KCTD14: variants seen among roughly 807,000 people sequenced by gnomAD.
KCTD14 encodes potassium channel tetramerization domain containing 14.
A neutral mutation model predicts 5.9 loss-of-function variants in KCTD14; 7 were observed. The ratio of observed to expected loss-of-function variants is 1.19; its 90% CI spans 0.68 to 2.23. The LOEUF is 2.23. Among genes scored for constraint, KCTD14 ranks in the 30% most tolerant of loss-of-function variants. KCTD14 has a pLI of 0.00. For missense variants in KCTD14, 342 were observed against 332.2 expected (o/e 1.03, Z -0.23); for synonymous variants, 140 against 133.1 (o/e 1.05, Z -0.36).
At chr11:78,017,539 G>A (rs1857202225) in intron 1 of KCTD14, among the ~76,000 whole-genome samples, 1 of 150,048 alleles carries the variant, frequency 6.7e-6, no homozygotes, top group South Asian at 2.1e-4. Context: ...CTTCCACCTC[G>A]ATTAAAGCAA....
rs962449974 is a variant in KCTD14, at chr11:78,038,755, C to A, written c.-92G>T. 100 of 1,535,558 alleles carry A rather than the reference C, an allele frequency of 6.5e-5. No individual in the cohort carries two copies. The highest frequency in any genetic ancestry group is 8.5e-5 in the Non-Finnish European group (97 of 1,146,904). The stretch of plus-strand genomic sequence containing the variant: ...GGACAAGCAACAGAGGCCAATGTCA[C>A]CCCCTGAAACAGAAAGAGAATTTCT... On this transcript the variant is annotated 5_prime_UTR_variant, in exon 2 of 3. Coordinates refer to the KCTD14 transcript ENST00000533144.
intron 1 of KCTD14, among the ~76,000 whole-genome samples, chr11:78,039,788 G>A (rs1220342780): frequency 1.3e-5 from 2 of 151,190 alleles, no homozygotes; most frequent in African/African-American, 2.4e-5. Flanking sequence ...ACCTGGTATC[G>A]TGACGATTTC....
chr11:78,042,311 C>T (rs1223602660), intron 1 of KCTD14, among the ~76,000 whole-genome samples: 2 of 152,202 alleles, frequency 1.3e-5, no homozygotes, highest in Non-Finnish European at 2.9e-5. Context: ...AATTCCAGAT[C>T]AGCCTTGTCA....
At chr11:78,030,240 C>A (rs1565314084) in intron 2 of KCTD14, among the ~76,000 whole-genome samples, 1 of 152,156 alleles carries the variant, frequency 6.6e-6, no homozygotes, top group Admixed American at 6.6e-5. Context: ...TTTCCAGTGA[C>A]ATTAGCACAT....
chr11:78,029,070 AGCTACTGGTGAG>A (rs1857545930), intron 2 of KCTD14, among the ~76,000 whole-genome samples: 1 of 151,748 alleles, frequency 6.6e-6, no homozygotes, highest in African/African-American at 2.4e-5. Context: ...CTGTAATCCT[AGCTACTGGTGAG>A]GCTTAGGCAT....
intron 1 of KCTD14, among the ~76,000 whole-genome samples, chr11:78,040,380 T>C (rs1373955173): frequency 6.6e-6 from 1 of 152,114 alleles, no homozygotes; most frequent in Non-Finnish European, 1.5e-5. Flanking sequence ...CTGTTTCCTC[T>C]TTCTCCCTCC....
intron 2 of KCTD14, among the ~76,000 whole-genome samples, chr11:78,036,953 A>C (rs1244669546): frequency 1.3e-5 from 2 of 152,188 alleles, no homozygotes; most frequent in East Asian, 3.9e-4. Context: ...TTGTCTTAGG[A>C]AGTACATGCT....
At chr11:78,020,996 A>G (rs569515129) in intron 1 of KCTD14, among the ~76,000 whole-genome samples, 1 of 152,300 alleles carries the variant, frequency 6.6e-6, no homozygotes, top group South Asian at 2.1e-4. Context: ...TTCTGAAGCT[A>G]ATTTCCAGAT....
At chr11:78,043,125 A>G (rs1404143180) in intron 1 of KCTD14, among the ~76,000 whole-genome samples, 2 of 152,212 alleles carry the variant, frequency 1.3e-5, no homozygotes, top group Admixed American at 6.5e-5. Flanking sequence ...CTGGGATTAC[A>G]GGAGTGAGCC....
chr11:78,033,559 G>A (rs919999582), intron 2 of KCTD14, among the ~76,000 whole-genome samples: 9 of 152,000 alleles, frequency 5.9e-5, no homozygotes, highest in Non-Finnish European at 1.3e-4. Context: ...GCAGGCACCT[G>A]TAGTCCCAGC....
In KCTD14 at chr11:78,016,272, T is replaced by A; in HGVS notation, c.*321A>T. On this transcript the variant is annotated 3_prime_UTR_variant, in exon 2 of 2. Transcript: ENST00000353172. Reference sequence around the variant, plus strand: ...ATCTAGATTCACAGTATCTTGTATGTTCCTGTTGTCATCTCACATCTCTTG... The same window carrying A: ...ATCTAGATTCACAGTATCTTGTATGATCCTGTTGTCATCTCACATCTCTTG... 2.7e-6 allele frequency: 1 copy of A among 371,742 alleles called. No homozygotes were observed. Among genetic ancestry groups the A allele is most frequent in the African/African-American group, 2.1e-5 (1 of 48,562 alleles). 23.0% of individuals were successfully genotyped at this position (371,742 alleles called of 1,614,324 possible).
At chr11:78,033,901 G>GTGTATATATATATATA in intron 2 of KCTD14, among the ~76,000 whole-genome samples, 2 of 115,604 alleles carry the variant, frequency 1.7e-5, no homozygotes, top group Admixed American at 9.7e-5. Context: ...GTGTGTGTGT[G>GTGTATATATATATATA]TATATATATA....
Position 78,016,579 on chromosome 11 carries a change from T to C in KCTD14, c.*14A>G. On this transcript the variant is annotated 3_prime_UTR_variant, in exon 2 of 2. Transcript: ENST00000353172. ...AGCCACGCCAGAATTCATAACAGTC[T>C]CTGCTCCTGAGGATCACCACCAGGT... 1 of 1,602,624 alleles carries C rather than the reference T, an allele frequency of 6.2e-7. No individual in the cohort carries two copies. Among genetic ancestry groups the C allele is most frequent in the Non-Finnish European group, 8.5e-7 (1 of 1,171,626 alleles).
At chr11:78,024,409 T>C (rs1349101662), upstream of KCTD14, among the ~76,000 whole-genome samples, 5 of 124,180 alleles carry the variant, frequency 4.0e-5, no homozygotes, top group East Asian at 2.2e-4. Context: ...TATATATATA[T>C]ATACACACAC....
At chr11:78,038,903 C>T (rs552576462) in intron 1 of KCTD14, 547 of 933,846 alleles carry the variant, frequency 5.9e-4, no homozygotes, top group Non-Finnish European at 7.4e-4. Context: ...CGGTCAGGCC[C>T]GGATGTACCA....
chr11:78,027,657 A>C (rs7130890), upstream of KCTD14, among the ~76,000 whole-genome samples: 1 of 151,734 alleles, frequency 6.6e-6, no homozygotes, highest in Admixed American at 6.6e-5. Context: ...CACCACTCCC[A>C]GTCAGACCCT....
At position 78,039,963 on chromosome 11, in the gene KCTD14, C is replaced by T. The variant is rs1179315011; in HGVS notation, c.-95-1205G>A. On this transcript the variant is annotated intron_variant, in intron 1 of 2. Transcript: ENST00000533144. ...ACTATAATAGTGCTGCAGTGAGCAT[C>T]CTTGATAGCTAAGGCACTGTGCAAG... Among the ~76,000 whole-genome samples the T allele has an allele frequency of 2.6e-5, 4 of 152,140 alleles. No homozygotes were observed. The East Asian group carries it at 7.7e-4, about 29-fold the overall frequency.
intron 1 of KCTD14, among the ~76,000 whole-genome samples, chr11:78,019,436 C>T (rs1857256408): frequency 6.6e-6 from 1 of 152,092 alleles, no homozygotes; most frequent in African/African-American, 2.4e-5. Flanking sequence ...CCTGCCTCAG[C>T]CTCCCAAGTA....
At position 78,016,750 on chromosome 11, in the gene KCTD14, C is replaced by T. The variant is rs1403574091; in HGVS notation, c.611G>A (p.Trp204Ter). Residue 204 changes from tryptophan to a stop codon, truncating the protein, a stop_gained, in exon 2 of 2, where the codon TGG (tryptophan) becomes TAG (stop). Transcript: ENST00000353172. LOFTEE classifies it low-confidence loss of function (END_TRUNC). ...MFKSVVKFGP[W>*]KAVLDNSDLM... The stretch of plus-strand genomic sequence containing the variant: ...GTCGCTGTTGTCTAGGACCGCCTTC[C>T]AGGGCCCAAACTTGACAACAGACTT... 6.2e-7 allele frequency: 1 copy of T among 1,614,190 alleles called. No individual in the cohort carries two copies. The highest frequency in any genetic ancestry group is 8.5e-7 in the Non-Finnish European group (1 of 1,180,034).
Sources: gnomAD v4.1 joint callset for allele counts (sites outside exome capture counted in the v4.1 genomes callset) on GRCh38, gnomAD v4.1.1 for gene constraint, MANE v1.5 for transcripts, NCBI Gene and HGNC (gene_info 2026-07-23, HGNC 2026-07-21) for gene names.